The following ITGA4 variants were observed in gnomAD, a reference collection of about 807,000 sequenced individuals.
The protein encoded by ITGA4 is integrin subunit alpha 4.
ITGA4 carries 63 observed loss-of-function variants against 133.6 expected under a neutral mutation model. The observed-to-expected ratio is 0.47, with a 90% CI of 0.38 to 0.58. ITGA4 has a LOEUF of 0.58. Ranked by LOEUF, ITGA4 falls within the 20% of genes least tolerant of loss-of-function variation. The probability of loss-of-function intolerance (pLI) is 0.00; values close to 1 mark genes in which losing one functional copy is unlikely to be tolerated. For missense variants in ITGA4, 1,076 were observed against 1,252.7 expected (o/e 0.86, Z 2.13); for synonymous variants, 483 against 438.0 (o/e 1.10, Z -1.28).
At position 181,538,299 on chromosome 2, in the gene ITGA4, C is replaced by T. The variant is rs1687302020; in HGVS notation, c.*2772C>T. ...TTATTTTGTTGTTTTTCACATACAC[C>T]TAATAAGTATGGTACACAATGCCAA... On this transcript the variant is annotated 3_prime_UTR_variant, in exon 28 of 28. Coordinates refer to ENST00000397033, the MANE Select transcript of ITGA4 (RefSeq NM_000885.6). The T allele has an allele frequency of 1.9e-6, 2 of 1,026,238 alleles. No homozygotes were observed. Among genetic ancestry groups the T allele is most frequent in the South Asian group, 1.3e-5 (1 of 76,950 alleles). The allele number at this position is 1,026,238 out of a possible 1,614,324, so 63.6% of individuals were successfully genotyped here.
At chr2:181,476,040 T>C in intron 4 of ITGA4, 1 of 728,260 alleles carries the variant, frequency 1.4e-6, no homozygotes, top group Non-Finnish European at 2.0e-6. Flanking sequence ...TTGGCAAAAC[T>C]TTGGCCAAGT....
At chr2:181,464,842 G>T (rs1685374074) in intron 2 of ITGA4, among the ~76,000 whole-genome samples, 1 of 152,050 alleles carries the variant, frequency 6.6e-6, no homozygotes, top group South Asian at 2.1e-4. Context: ...TTAATTTTGA[G>T]ATTAGCTGGA....
chr2:181,529,777 A>G (rs1411879751), intron 23 of ITGA4, 129 bp downstream of exon 23: 1 of 572,982 alleles, frequency 1.7e-6, no homozygotes, highest in African/African-American at 1.9e-5. Flanking sequence ...TCACACTCTA[A>G]GCTATGAATT....
intron 17 of ITGA4, 79 bp downstream of exon 17, chr2:181,511,854 A>G (rs1686512536): frequency 1.4e-6 from 1 of 719,772 alleles, no homozygotes; most frequent in Non-Finnish European, 2.5e-6. Flanking sequence ...CCCAAAAGAA[A>G]AGGAACAAGA....
rs1687139580 is a variant in ITGA4 at position 181,536,863 on chromosome 2, A to C, written c.*1336A>C. ...GCCTTCATAAGAGAGCTGTGGCCGA[A>C]TTTTGAACATCTGTTATAGGGAGTG... is the stretch of plus-strand genomic sequence containing the variant. On this transcript the variant is annotated 3_prime_UTR_variant, in exon 28 of 28. Transcript: ENST00000397033. The C allele has an allele frequency of 2.3e-6, 1 of 432,808 alleles. No individual in the cohort carries two copies. The highest frequency in any genetic ancestry group is 2.0e-5 in the African/African-American group (1 of 49,422). The allele number at this position is 432,808 out of a possible 1,614,324, so 26.8% of individuals were successfully genotyped here.
At position 181,458,274 on chromosome 2, in the gene ITGA4, G is replaced by C; in HGVS notation, c.276G>C (p.Arg92Ser). ...ATCCCGGGGCGATTTACAGATGCAG[G>C]ATCGGAAAGAATCCCGGCCAGACGT... Reference protein sequence around the residue: ...VINPGAIYRCRIGKNPGQTCE... With the variant: ...VINPGAIYRCSIGKNPGQTCE... Residue 92 changes from arginine to serine, a missense_variant, in exon 2 of 28, where the codon AGG (arginine) becomes AGC (serine). Around this residue, in one of 4 missense-constraint regions of ITGA4, gnomAD observed 436 missense variants for 590.7 expected, o/e 0.74. Coordinates refer to ENST00000397033, the MANE Select transcript of ITGA4 (RefSeq NM_000885.6). 1 of 1,613,110 alleles carries C rather than the reference G, an allele frequency of 6.2e-7. No homozygotes were observed.
chr2:181,529,924 C>T lies in ITGA4; in HGVS notation c.2538+276C>T, dbSNP rs546946567. ...TCCATTGAATAATTATTTTAAGATA[C>T]ATTGTTGTGTGATATGGACCTATAG... is the stretch of plus-strand genomic sequence containing the variant. On this transcript the variant is annotated intron_variant, in intron 23 of 27. Coordinates refer to ENST00000397033, the MANE Select transcript of ITGA4 (RefSeq NM_000885.6). 2.6e-5 allele frequency among the ~76,000 whole-genome samples: 4 copies of T among 152,248 alleles called. No individual in the cohort carries two copies. In the South Asian group the frequency reaches 8.3e-4, roughly 32 times the overall value.
At chr2:181,532,588 A>G (rs1387170471) in intron 25 of ITGA4, among the ~76,000 whole-genome samples, 1 of 152,126 alleles carries the variant, frequency 6.6e-6, no homozygotes, top group Non-Finnish European at 1.5e-5. Context: ...ACTTTTGCAC[A>G]TTGATTTTTG....
In ITGA4 at chr2:181,495,907, T is replaced by A. The variant is rs898074048; in HGVS notation, c.1510T>A (p.Tyr504Asn). The change falls in exon 14 of 28, where the codon TAT becomes AAT. Residue 504 changes from tyrosine to asparagine, a missense_variant. Tyr to Asn is a moderately radical substitution (Grantham distance 143, BLOSUM62 -2). Coordinates refer to ENST00000397033, the MANE Select transcript of ITGA4 (RefSeq NM_000885.6). This position sits in a 1 kb window ranked among gnomAD's most constrained non-coding sequence, Gnocchi z 4.3. ...VCIDLTLCFS[Y>N]KGKEVPGYIV... ...CATAGATCTAACACTTTGTTTCTCATATAAGGGCAAGGAAGTTCCAGGTTA... is the reference window on the plus strand; with the variant it reads ...CATAGATCTAACACTTTGTTTCTCAAATAAGGGCAAGGAAGTTCCAGGTTA... 3 of 1,613,918 alleles carry A rather than the reference T, an allele frequency of 1.9e-6. No homozygotes were observed. In the African/African-American group the frequency reaches 4.0e-5, roughly 22 times the overall value.
intron 15 of ITGA4, among the ~76,000 whole-genome samples, chr2:181,504,121 C>T (rs903559699): frequency 2.6e-5 from 4 of 152,020 alleles, no homozygotes; most frequent in African/African-American, 9.7e-5. Flanking sequence ...TCCTGTTTGT[C>T]TGCATTTCCA....
chr2:181,506,454 A>G (rs1261019573), intron 15 of ITGA4, among the ~76,000 whole-genome samples: 1 of 152,080 alleles, frequency 6.6e-6, no homozygotes, highest in Non-Finnish European at 1.5e-5. Flanking sequence ...AACTTGTCCA[A>G]TGTTATGTAG....
Position 181,494,750 on chromosome 2 carries a change from C to T in ITGA4, c.1277C>T (p.Ser426Leu), listed in dbSNP as rs763842758. ...QRIEGLQISK[S>L]LSMFGQSISG... ...ATTGAAGGACTTCAGATCAGCAAAT[C>T]GTTAAGTATGTTTGGACAGTCTATA... Residue 426 changes from serine (S) to leucine (L), a missense_variant, in exon 12 of 28, where the codon TCG becomes TTG. Physicochemically the swap from Ser to Leu is moderately radical, Grantham distance 145 (BLOSUM62 -2). Coordinates refer to ENST00000397033, the MANE Select transcript of ITGA4 (RefSeq NM_000885.6). 4 of 1,603,248 alleles carry T rather than the reference C, an allele frequency of 2.5e-6. No individual in the cohort carries two copies. Among genetic ancestry groups the T allele is most frequent in the Admixed American group, 1.7e-5 (1 of 59,968 alleles).
rs1687181320 is a variant in ITGA4 at position 181,537,277 on chromosome 2, CAG to C, written c.*1752_*1753del. 1 of 453,408 alleles carries C rather than the reference CAG, an allele frequency of 2.2e-6. No individual in the cohort carries two copies. The allele number at this position is 453,408 out of a possible 1,614,324, so 28.1% of individuals were successfully genotyped here. On this transcript the variant is annotated 3_prime_UTR_variant, in exon 28 of 28. Transcript: ENST00000397033. ...TGGTTCTTTCCTACTCAGAACTACT[CAG>C]AAACAACTATATATTTCAGGTTATC...
chr2:181,488,382 A>G (rs751784515), intron 10 of ITGA4, among the ~76,000 whole-genome samples: 1 of 152,122 alleles, frequency 6.6e-6, no homozygotes, highest in Non-Finnish European at 1.5e-5. Flanking sequence ...TAAAGGTAAT[A>G]CCTTTATGTC....
chr2:181,522,152 T>C (rs777842993), intron 17 of ITGA4, 39 bp from the exon 18 acceptor site: 1 of 1,304,298 alleles, frequency 7.7e-7, no homozygotes, highest in Admixed American at 2.0e-5. Flanking sequence ...GGATTTTTAT[T>C]TCCTAAACAA....
In ITGA4 at chr2:181,536,642, A is replaced by ACAGTGAATAT. The variant is rs779406617; in HGVS notation, c.*1116_*1125dup. On this transcript the variant is annotated 3_prime_UTR_variant, in exon 28 of 28. Coordinates refer to ENST00000397033, the MANE Select transcript of ITGA4 (RefSeq NM_000885.6). Reference sequence around the variant, plus strand: ...TGAAAGATACTGATTCAATTTGTATACAGTGAATATAAATGAGACGACAGC... The same window carrying ACAGTGAATAT: ...TGAAAGATACTGATTCAATTTGTATACAGTGAATATCAGTGAATATAAATGAGACGACAGC... 5.2e-5 allele frequency: 9 copies of ACAGTGAATAT among 172,918 alleles called. No individual in the cohort carries two copies. Among genetic ancestry groups the ACAGTGAATAT allele is most frequent in the Non-Finnish European group, 1.0e-4 (8 of 80,314 alleles). 10.7% of individuals were successfully genotyped at this position (172,918 alleles called of 1,614,324 possible).
At chr2:181,469,675 A>G (rs1685499249) in intron 2 of ITGA4, among the ~76,000 whole-genome samples, 1 of 152,240 alleles carries the variant, frequency 6.6e-6, no homozygotes, top group South Asian at 2.1e-4. Context: ...CCAAATGTCC[A>G]TCAATGTAGA....
intron 14 of ITGA4, 199 bp from the exon 15 acceptor site, chr2:181,498,424 A>G: frequency 3.0e-6 from 1 of 332,890 alleles, no homozygotes; most frequent in Non-Finnish European, 5.4e-6. Context: ...ATAAATCTTT[A>G]TAAAAGCAAT....
At chr2:181,493,876 A>G (rs1462005052) in intron 11 of ITGA4, among the ~76,000 whole-genome samples, 1 of 152,112 alleles carries the variant, frequency 6.6e-6, no homozygotes, top group Non-Finnish European at 1.5e-5. Context: ...ATGTCTCAGG[A>G]TCTTACTCTG....
Sources: gnomAD v4.1 joint callset for allele counts (sites outside exome capture counted in the v4.1 genomes callset) on GRCh38, gnomAD v4.1.1 for gene constraint, gnomAD v4.1.1 regional missense constraint, Gnocchi (gnomAD v3.1) non-coding constraint, MANE v1.5 for transcripts, NCBI Gene and HGNC (gene_info 2026-07-23, HGNC 2026-07-21) for gene names.